Variants in TBC1D9B observed in about 807,000 individuals in gnomAD.
TBC1D9B encodes the protein TBC1 domain family member 9B.
Under a neutral mutation model 121.1 loss-of-function variants are expected in TBC1D9B, and 87 were observed. The ratio of observed to expected loss-of-function variants is 0.72; its 90% CI spans 0.60 to 0.86. The LOEUF (loss-of-function observed/expected upper bound fraction) is 0.86, where lower values mean the gene tolerates loss of function less well. TBC1D9B is among the 40% of genes least tolerant of loss of function. TBC1D9B has a pLI of 0.00. For synonymous variants in TBC1D9B, 668 were observed against 670.1 expected (o/e 1.00, Z 0.05); for missense variants, 1,540 against 1,628.6 (o/e 0.95, Z 0.94).
chr5:179,906,332 C>T lies in TBC1D9B; in HGVS notation c.118+1372G>A, dbSNP rs368622218. Among the ~76,000 whole-genome samples, 5 of 152,064 alleles carry T rather than the reference C, an allele frequency of 3.3e-5. No homozygotes were observed. The East Asian group carries it at 7.7e-4, about 23-fold the overall frequency. ...TTCCCTTGGGGGGACCCTGGGAGCT[C>T]GGTCCCAGGGGACACGGAGAGTGAG... On this transcript the variant is annotated intron_variant, in intron 1 of 20. Coordinates refer to ENST00000355235, the MANE Select transcript of TBC1D9B (RefSeq NM_015043.4).
rs1312899244 is a variant in TBC1D9B at position 179,907,113 on chromosome 5, G to A, written c.118+591C>T. Among the ~76,000 whole-genome samples, 1 of 152,212 alleles carries A rather than the reference G, an allele frequency of 6.6e-6. No individual in the cohort carries two copies. The highest frequency in any genetic ancestry group is 1.5e-5 in the Non-Finnish European group (1 of 68,038). ...CGAGCTTGCAGGAACACCCTGTGCC[G>A]CTACCCACAGCCTTGGGTGCGCAGC... On this transcript the variant is annotated intron_variant, in intron 1 of 20. Coordinates refer to ENST00000355235, the MANE Select transcript of TBC1D9B (RefSeq NM_015043.4). The surrounding 1 kb of genome is among the most constrained non-coding windows in gnomAD (Gnocchi z 5.3).
chr5:179,882,660 A>G (rs1274529551), intron 7 of TBC1D9B, among the ~76,000 whole-genome samples: 3 of 152,272 alleles, frequency 2.0e-5, no homozygotes, highest in Admixed American at 6.5e-5. Flanking sequence ...TCTGGCCAAC[A>G]TGGTGAAATC....
chr5:179,872,577 G>C, intron 14 of TBC1D9B: 1 of 379,562 alleles, frequency 2.6e-6, no homozygotes, highest in Non-Finnish European at 4.9e-6. Flanking sequence ...TGCTACCTGG[G>C]AGTGGGGCAG....
At chr5:179,897,521 T>G (rs975951047) in intron 3 of TBC1D9B, among the ~76,000 whole-genome samples, 1 of 151,930 alleles carries the variant, frequency 6.6e-6, no homozygotes, top group Non-Finnish European at 1.5e-5. Flanking sequence ...GGTTTTGCCA[T>G]GTTGGCAAAG....
rs112026380 is a variant in TBC1D9B, at chr5:179,874,952, C to T, written c.2136G>A (p.Glu712=). The T allele has an allele frequency of 2.5e-6, 4 of 1,613,644 alleles. No homozygotes were observed. The African/African-American group carries it at 4.0e-5, about 16-fold the overall frequency. ...CCTCGTCGCTGCAGCCCAGCAGCTG[C>T]TCCATGTTGGCGTCCAGGACGGCCA... ...VALAVLDANM[E]QLLGCSDEGE... Residue 712 remains glutamate, a synonymous_variant, in exon 12 of 21, where the codon GAG becomes GAA. Transcript: ENST00000355235. This position sits in a 1 kb window ranked among gnomAD's most constrained non-coding sequence, Gnocchi z 4.3.
At position 179,874,973 on chromosome 5, in the gene TBC1D9B, G is replaced by A. The variant is rs577618447; in HGVS notation, c.2115C>T (p.Ala705=). The A allele has an allele frequency of 2.3e-5, 37 of 1,613,818 alleles. No homozygotes were observed. In the African/African-American group the frequency reaches 3.2e-4, roughly 14 times the overall value. The change falls in exon 12 of 21, where the codon GCC becomes GCT. Residue 705 remains alanine (A), a synonymous_variant. Transcript: ENST00000355235. This position sits in a 1 kb window ranked among gnomAD's most constrained non-coding sequence, Gnocchi z 4.3. ...GIKVILQVAL[A]VLDANMEQLL... The stretch of plus-strand genomic sequence containing the variant: ...GCTGCTCCATGTTGGCGTCCAGGAC[G>A]GCCAGGGCCACCTGCAGGATCACCT...
intron 2 of TBC1D9B, among the ~76,000 whole-genome samples, chr5:179,900,231 G>C (rs1761130107): frequency 6.6e-6 from 1 of 152,124 alleles, no homozygotes; most frequent in Non-Finnish European, 1.5e-5. Context: ...AAAACGTAGA[G>C]AAGGCAGCAC....
intron 1 of TBC1D9B, among the ~76,000 whole-genome samples, chr5:179,906,541 C>G (rs764333115): frequency 4.9e-4 from 74 of 152,308 alleles, no homozygotes; most frequent in Non-Finnish European, 8.7e-4. Flanking sequence ...AGAAAAGGTG[C>G]CGGTCCCTCG....
Position 179,871,434 on chromosome 5 carries a change from G to A in TBC1D9B, c.2484+28C>T, listed in dbSNP as rs368717338. The A allele has an allele frequency of 2.5e-6, 4 of 1,608,834 alleles. No individual in the cohort carries two copies. In the Admixed American group the frequency reaches 5.0e-5, roughly 20 times the overall value. Reference sequence around the variant, plus strand: ...GGCAGGAAGCTAGGAAGCTAGGAACGGGTCCTGCCCTGGCTCTGAGCTGTC... The same window carrying A: ...GGCAGGAAGCTAGGAAGCTAGGAACAGGTCCTGCCCTGGCTCTGAGCTGTC... On this transcript the variant is annotated intron_variant, in intron 15 of 20. Coordinates refer to ENST00000355235, the MANE Select transcript of TBC1D9B (RefSeq NM_015043.4).
Position 179,869,571 on chromosome 5 carries a change from C to T in TBC1D9B, c.2791+198G>A, listed in dbSNP as rs1313550543. ...ACCCATGGGATTCTCCTCCACGTCC[C>T]TTCCCAGGCCAAGGCCCTGCTCTCA... On this transcript the variant is annotated intron_variant, in intron 17 of 20. Coordinates refer to ENST00000355235, the MANE Select transcript of TBC1D9B (RefSeq NM_015043.4). 5.7e-6 allele frequency: 4 copies of T among 705,140 alleles called. No individual in the cohort carries two copies. The East Asian group carries it at 1.1e-4, about 19-fold the overall frequency. 43.7% of individuals were successfully genotyped at this position (705,140 alleles called of 1,614,324 possible).
rs562339383 is a variant in TBC1D9B, at chr5:179,875,102, C to G, written c.1986G>C (p.Val662=). 7 of 1,614,054 alleles carry G rather than the reference C, an allele frequency of 4.3e-6. No individual in the cohort carries two copies. The South Asian group carries it at 7.7e-5, about 18-fold the overall frequency. The part of the protein sequence containing the change: ...QLSEKMQDLG[V]ISSISLSWFL... ...ACCAGGACAGCGAGATGCTGGAGATCACCCCCAGGTCCTGCATCTTCTCCG... is the reference window on the plus strand; with the variant it reads ...ACCAGGACAGCGAGATGCTGGAGATGACCCCCAGGTCCTGCATCTTCTCCG... Residue 662 remains valine (V), a synonymous_variant, in exon 12 of 21, where the codon GTG becomes GTC. Coordinates refer to ENST00000355235, the MANE Select transcript of TBC1D9B (RefSeq NM_015043.4). The surrounding 1 kb of genome is among the most constrained non-coding windows in gnomAD (Gnocchi z 4.5).
rs1297887833 is a variant in TBC1D9B at position 179,873,165 on chromosome 5, G to T, written c.2270C>A (p.Pro757His). The T allele has an allele frequency of 8.1e-6, 13 of 1,613,188 alleles. No individual in the cohort carries two copies. The highest frequency in any genetic ancestry group is 1.0e-5 in the Non-Finnish European group (12 of 1,179,700). ...LRALLSSSDD[P>H]PAEVDIFELL... is the part of the protein sequence containing the mutation. ...CTCAAAGATGTCCACCTCTGCAGGG[G>T]GGTCATCGCTGCTGCTCAGCAAGGC... The change falls in exon 13 of 21, where the codon CCC (proline) becomes CAC (histidine). Residue 757 changes from proline (P) to histidine (H), a missense_variant. Coordinates refer to ENST00000355235, the MANE Select transcript of TBC1D9B (RefSeq NM_015043.4).
At chr5:179,892,584 T>C (rs1387882138) in intron 5 of TBC1D9B, among the ~76,000 whole-genome samples, 1 of 152,162 alleles carries the variant, frequency 6.6e-6, no homozygotes, top group Non-Finnish European at 1.5e-5. Context: ...TTCCTGCCTA[T>C]CGGTCCCCTG....
chr5:179,863,825 C>T lies in TBC1D9B; in HGVS notation c.3325G>A (p.Val1109Met), dbSNP rs779857266. ...TCGCCGCTGCCCCCCTCCACCACCACCTGGCTCTCCTGTGGGGCTTTTCCG... is the reference window on the plus strand; with the variant it reads ...TCGCCGCTGCCCCCCTCCACCACCATCTGGCTCTCCTGTGGGGCTTTTCCG... Reference protein sequence around the residue: ...HLGKAPQESQVVVEGGSGEGQ... With the variant: ...HLGKAPQESQMVVEGGSGEGQ... Residue 1109 changes from valine to methionine, a missense_variant, in exon 21 of 21, where the codon GTG (valine) becomes ATG (methionine). Physicochemically the swap from Val to Met is conservative, Grantham distance 21 (BLOSUM62 1). Transcript: ENST00000355235. The surrounding 1 kb of genome is among the most constrained non-coding windows in gnomAD (Gnocchi z 4.5). 1.2e-6 allele frequency: 2 copies of T among 1,613,672 alleles called. No homozygotes were observed. Among genetic ancestry groups the T allele is most frequent in the South Asian group, 1.1e-5 (1 of 91,078 alleles).
chr5:179,862,114 A>G lies in TBC1D9B; in HGVS notation c.*1334T>C, dbSNP rs1037404039. ...ATTTTATTATTAGTTATTGTTGTCAATCTCTTAAGGTGCCTAATTCATAAA... is the reference window on the plus strand; with the variant it reads ...ATTTTATTATTAGTTATTGTTGTCAGTCTCTTAAGGTGCCTAATTCATAAA... On this transcript the variant is annotated 3_prime_UTR_variant, in exon 21 of 21. Transcript: ENST00000355235. 3.0e-5 allele frequency: 5 copies of G among 163,952 alleles called. No individual in the cohort carries two copies. Among genetic ancestry groups the G allele is most frequent in the African/African-American group, 9.5e-5 (4 of 42,102 alleles). The allele number at this position is 163,952 out of a possible 1,614,324, so 10.2% of individuals were successfully genotyped here. A position where few individuals can be genotyped will look rare whatever the true frequency, so the allele number is the denominator to read the frequency against.
At chr5:179,897,115 G>C (rs1307124007) in intron 3 of TBC1D9B, among the ~76,000 whole-genome samples, 2 of 151,594 alleles carry the variant, frequency 1.3e-5, no homozygotes, top group Admixed American at 6.6e-5. Flanking sequence ...CACTGTGTTA[G>C]CCAGGATGGT....
At position 179,875,440 on chromosome 5, in the gene TBC1D9B, C is replaced by T. The variant is rs1026812768; in HGVS notation, c.1901-253G>A. On this transcript the variant is annotated intron_variant, in intron 11 of 20. Coordinates refer to ENST00000355235, the MANE Select transcript of TBC1D9B (RefSeq NM_015043.4). The surrounding 1 kb of genome is among the most constrained non-coding windows in gnomAD (Gnocchi z 4.5). ...TATTTTGGGGAAATACTGATTTCTC[C>T]GTAAGGCATGAGAGGTAAACAGCAC... 6.6e-6 allele frequency among the ~76,000 whole-genome samples: 1 copy of T among 152,166 alleles called. No homozygotes were observed. Among genetic ancestry groups the T allele is most frequent in the Non-Finnish European group, 1.5e-5 (1 of 68,034 alleles).
At position 179,904,516 on chromosome 5, in the gene TBC1D9B, C is replaced by T. The variant is rs1761256531; in HGVS notation, c.229+186G>A. 2.0e-5 allele frequency among the ~76,000 whole-genome samples: 3 copies of T among 152,172 alleles called. No individual in the cohort carries two copies. The highest frequency in any genetic ancestry group is 4.4e-5 in the Non-Finnish European group (3 of 68,020). ...CTGGGATTACAGACGTGAGCCACCGCACCGGGCCACGGAGCTGCCTTTCTA... is the reference window on the plus strand; with the variant it reads ...CTGGGATTACAGACGTGAGCCACCGTACCGGGCCACGGAGCTGCCTTTCTA... On this transcript the variant is annotated intron_variant, in intron 2 of 20. Coordinates refer to ENST00000355235, the MANE Select transcript of TBC1D9B (RefSeq NM_015043.4). This position sits in a 1 kb window ranked among gnomAD's most constrained non-coding sequence, Gnocchi z 4.2.
chr5:179,891,408 C>A lies in TBC1D9B; in HGVS notation c.1015G>T (p.Ala339Ser), dbSNP rs777170652. 10 of 1,614,130 alleles carry A rather than the reference C, an allele frequency of 6.2e-6. No homozygotes were observed. Among genetic ancestry groups the A allele is most frequent in the Non-Finnish European group, 8.5e-6 (10 of 1,180,052 alleles). The change falls in exon 6 of 21, where the codon GCT becomes TCT. Residue 339 changes from alanine to serine, a missense_variant. Coordinates refer to ENST00000355235, the MANE Select transcript of TBC1D9B (RefSeq NM_015043.4). The surrounding 1 kb of genome is among the most constrained non-coding windows in gnomAD (Gnocchi z 4.3). ...YICFASKEED[A>S]CHLIIPLREV... ...CTCAGGGGTATGATGAGGTGGCAAG[C>A]GTCCTCCTCCTTGCTGGCGAAGCAG...
Sources: gnomAD v4.1 joint callset for allele counts (sites outside exome capture counted in the v4.1 genomes callset) on GRCh38, gnomAD v4.1.1 for gene constraint, Gnocchi (gnomAD v3.1) non-coding constraint, MANE v1.5 for transcripts, NCBI Gene and HGNC (gene_info 2026-07-23, HGNC 2026-07-21) for gene names.